The following NRF1 variants were observed in gnomAD, a reference collection of about 807,000 sequenced individuals.
The protein encoded by NRF1 is alpha palindromic-binding protein.
A neutral mutation model predicts 58.5 loss-of-function variants in NRF1; 5 were observed. The observed-to-expected ratio is 0.09, with a 90% CI of 0.04 to 0.18. The LOEUF is 0.18. NRF1 is among the 10% of genes least tolerant of loss of function. The pLI, the probability that NRF1 is intolerant of heterozygous loss-of-function variation, is 1.00. For missense variants in NRF1, 288 were observed against 657.7 expected (o/e 0.44, Z 6.15); for synonymous variants, 224 against 246.7 (o/e 0.91, Z 0.86).
chr7:129,612,637 A>T (rs1800562690), intron 1 of NRF1, among the ~76,000 whole-genome samples: 1 of 152,098 alleles, frequency 6.6e-6, no homozygotes. Flanking sequence ...CCCCTGGGTG[A>T]GGGAGAGGGG....
intron 1 of NRF1, among the ~76,000 whole-genome samples, chr7:129,638,417 A>G (rs1466548906): frequency 6.6e-6 from 1 of 152,182 alleles, no homozygotes; most frequent in East Asian, 1.9e-4. Flanking sequence ...GAGACTAGGA[A>G]GGTGGATGAT....
At chr7:129,722,052 G>A (rs1001501543) in intron 9 of NRF1, among the ~76,000 whole-genome samples, 5 of 152,118 alleles carry the variant, frequency 3.3e-5, no homozygotes, top group African/African-American at 1.2e-4. Flanking sequence ...TTGTGAAGTG[G>A]TCTAGCTCAG....
intron 10 of NRF1, among the ~76,000 whole-genome samples, chr7:129,747,035 T>A (rs140572512): frequency 6.6e-6 from 1 of 152,202 alleles, no homozygotes; most frequent in African/African-American, 2.4e-5. Context: ...TATCTTGTCG[T>A]GGGGTGAGGG....
chr7:129,756,876 T>C lies in NRF1; in HGVS notation c.*1695T>C, dbSNP rs1284312610. Reference sequence around the variant, plus strand: ...GTTCTACAATTTGTTATTTTTTTAATTATTATTTTTTATCGTCATTGTGAA... The same window carrying C: ...GTTCTACAATTTGTTATTTTTTTAACTATTATTTTTTATCGTCATTGTGAA... On this transcript the variant is annotated 3_prime_UTR_variant, in exon 11 of 11. Transcript: ENST00000393232. 2.0e-5 allele frequency: 3 copies of C among 152,598 alleles called. No homozygotes were observed. The highest frequency in any genetic ancestry group is 4.4e-5 in the Non-Finnish European group (3 of 68,042). The allele number at this position is 152,598 out of a possible 1,614,324, so 9.5% of individuals were successfully genotyped here.
At chr7:129,672,331 C>T (rs1802066671) in intron 3 of NRF1, among the ~76,000 whole-genome samples, 1 of 151,592 alleles carries the variant, frequency 6.6e-6, no homozygotes. Flanking sequence ...GGTCACTTCA[C>T]CCAGCCTAGG....
At chr7:129,613,512 T>C (rs564912437) in intron 1 of NRF1, among the ~76,000 whole-genome samples, 2 of 152,240 alleles carry the variant, frequency 1.3e-5, no homozygotes, top group Non-Finnish European at 2.9e-5. Context: ...GTGGGCAGAA[T>C]TTTTTTGTGT....
Position 129,756,285 on chromosome 7 carries a change from T to TC in NRF1, c.*1104_*1105insC, listed in dbSNP as rs907139790. ...CATCTGGTCTGTGGCCACAGCACCC[T>TC]GAACGCCCCTGATCTTGTGTGATCT... On this transcript the variant is annotated 3_prime_UTR_variant, in exon 11 of 11. Transcript: ENST00000393232. The TC allele has an allele frequency of 1.3e-5, 2 of 152,278 alleles. No individual in the cohort carries two copies. The highest frequency in any genetic ancestry group is 2.9e-5 in the Non-Finnish European group (2 of 68,098). The allele number at this position is 152,278 out of a possible 1,614,324, so 9.4% of individuals were successfully genotyped here.
chr7:129,684,923 A>C (rs977268249), intron 4 of NRF1, among the ~76,000 whole-genome samples: 51 of 152,208 alleles, frequency 3.4e-4, no homozygotes, highest in African/African-American at 1.1e-3. Context: ...GAACTGAGGC[A>C]GGAGAACAAA....
chr7:129,754,530 A>G (rs1369740408), intron 10 of NRF1, among the ~76,000 whole-genome samples: 1 of 149,734 alleles, frequency 6.7e-6, no homozygotes, highest in African/African-American at 2.4e-5. Context: ...GAGTAGAATA[A>G]TAGTTACCAG....
chr7:129,663,868 C>T (rs1047012582), intron 2 of NRF1, among the ~76,000 whole-genome samples: 1 of 152,180 alleles, frequency 6.6e-6, no homozygotes, highest in African/African-American at 2.4e-5. Context: ...ACTCCGTCTG[C>T]AATCCCAGCA....
At chr7:129,626,272 T>C (rs1388210720) in intron 1 of NRF1, among the ~76,000 whole-genome samples, 1 of 152,230 alleles carries the variant, frequency 6.6e-6, no homozygotes, top group African/African-American at 2.4e-5. Context: ...TCAGAGTCCC[T>C]GAGTATCCTG....
At chr7:129,611,898 C>A in intron 1 of NRF1, 74 bp downstream of exon 1, 1 of 148,948 alleles carries the variant, frequency 6.7e-6, no homozygotes, top group South Asian at 2.0e-4. Flanking sequence ...GCCCGCCGGC[C>A]GGCCGGCCCG....
chr7:129,711,880 G>A (rs1962039), intron 8 of NRF1, among the ~76,000 whole-genome samples: 53,207 of 151,960 alleles, frequency 0.35, 9,770 homozygotes, highest in East Asian at 0.61. Context: ...GAATCCCAAA[G>A]AATTTCATCT....
In NRF1 at chr7:129,733,657, T is replaced by C. The variant is rs533108730; in HGVS notation, c.1348+6292T>C. 3.3e-4 allele frequency among the ~76,000 whole-genome samples: 50 copies of C among 152,288 alleles called. 1 individual carries two copies. The highest frequency in any genetic ancestry group is 1.8e-3 in the Admixed American group (28 of 15,302). ...ATGGACCAGGTGAGGGAAGCAAGTG[T>C]TCTTGCACTTTGAAATTTCACTTTC... On this transcript the variant is annotated intron_variant, in intron 10 of 10. Coordinates refer to ENST00000393232, the MANE Select transcript of NRF1 (RefSeq NM_005011.5).
intron 8 of NRF1, among the ~76,000 whole-genome samples, chr7:129,715,146 CA>C (rs1443313569): frequency 5.3e-5 from 8 of 152,188 alleles, no homozygotes; most frequent in Non-Finnish European, 1.0e-4. Context: ...AGTCTCTAAA[CA>C]CAGAGAATTG....
intron 10 of NRF1, among the ~76,000 whole-genome samples, chr7:129,739,749 A>G (rs1803803543): frequency 6.6e-6 from 1 of 152,122 alleles, no homozygotes; most frequent in Non-Finnish European, 1.5e-5. Flanking sequence ...TTCCACTTGG[A>G]TTCCTCACAA....
chr7:129,647,748 C>T (rs1460451589), intron 1 of NRF1, among the ~76,000 whole-genome samples: 3 of 152,146 alleles, frequency 2.0e-5, no homozygotes, highest in Non-Finnish European at 2.9e-5. Flanking sequence ...ACTGGATTAT[C>T]GTGTTATTAG....
intron 1 of NRF1, among the ~76,000 whole-genome samples, chr7:129,636,301 C>G (rs1476088734): frequency 6.6e-6 from 1 of 150,632 alleles, no homozygotes; most frequent in East Asian, 2.0e-4. Flanking sequence ...GTGGTGTGAT[C>G]TCGGCTCACT....
Position 129,755,298 on chromosome 7 carries a change from C to CT in NRF1, c.*128dup, listed in dbSNP as rs906525506. 0.016 allele frequency: 12,288 copies of CT among 747,360 alleles called. No individual in the cohort carries two copies. The highest frequency in any genetic ancestry group is 0.018 in the Non-Finnish European group (9,855 of 550,634). 46.3% of individuals were successfully genotyped at this position (747,360 alleles called of 1,614,324 possible). On this transcript the variant is annotated 3_prime_UTR_variant, in exon 11 of 11. Coordinates refer to ENST00000393232, the MANE Select transcript of NRF1 (RefSeq NM_005011.5). This position sits in a 1 kb window ranked among gnomAD's most constrained non-coding sequence, Gnocchi z 5.8. ...ACTTTGGAAGGAAAGTTTTGTTAAC[C>CT]TTTTTTTTTTTAAAAGGAAGAAAGC...
Sources: allele counts gnomAD v4.1 joint callset (sites outside exome capture counted in the v4.1 genomes callset), GRCh38; gene constraint gnomAD v4.1.1; non-coding constraint Gnocchi (gnomAD v3.1); transcripts MANE v1.5; gene names NCBI Gene and HGNC (gene_info 2026-07-23, HGNC 2026-07-21).